GATB: variants seen among roughly 807,000 people sequenced by gnomAD.
GATB encodes glutamyl-tRNA amidotransferase subunit B, also known as glutamyl-tRNA(Gln) amidotransferase subunit B, mitochondrial.
Under a neutral mutation model 62.3 loss-of-function variants are expected in GATB, and 39 were observed. That is an observed-to-expected ratio of 0.63 (90% CI 0.48 to 0.82). The LOEUF (loss-of-function observed/expected upper bound fraction) is 0.82. Ranked by LOEUF, GATB falls within the 40% of genes least tolerant of loss-of-function variation. The pLI is 0.00. For missense variants in GATB, 670 were observed against 684.0 expected (o/e 0.98, Z 0.23); for synonymous variants, 276 against 258.9 (o/e 1.07, Z -0.63).
intron 2 of GATB, among the ~76,000 whole-genome samples, chr4:151,746,807 G>A (rs895650120): frequency 6.6e-6 from 1 of 152,196 alleles, no homozygotes; most frequent in Non-Finnish European, 1.5e-5. Context: ...CTGGGGAACA[G>A]GGAGATGGAG....
At chr4:151,673,400 C>T (rs1336714386) in intron 11 of GATB, 2 of 153,554 alleles carry the variant, frequency 1.3e-5, no homozygotes, top group Admixed American at 1.3e-4. Context: ...ACACAGCCTG[C>T]AGGAGGTAAC....
intron 2 of GATB, among the ~76,000 whole-genome samples, chr4:151,748,475 C>T (rs1337127163): frequency 1.3e-4 from 20 of 152,164 alleles, no homozygotes; most frequent in Admixed American, 1.2e-3. Context: ...AAAGCTGAAA[C>T]TGGATCCCTT....
rs1202331037 is a variant in GATB, at chr4:151,732,043, CGGGAGGGAGGTGGGGGGGT to C, written c.328-12524_328-12506del. ...CCCCCGCCCGGCCAGCCGCCCCGTC[CGGGAGGGAGGTGGGGGGGT>C]CAGCCCCCGCCCGGCCAGCCGCCCC... On this transcript the variant is annotated intron_variant, in intron 2 of 12. Transcript: ENST00000263985. 5.9e-3 allele frequency among the ~76,000 whole-genome samples: 646 copies of C among 110,148 alleles called. 4 individuals are homozygous for C. The highest frequency in any genetic ancestry group is 9.6e-3 in the African/African-American group (193 of 20,148). The allele number at this position is 110,148 out of a possible 152,430, so 72.3% of individuals were successfully genotyped here. A position where few individuals can be genotyped will look rare whatever the true frequency, so the allele number is the denominator to read the frequency against.
At chr4:151,692,143 A>T (rs552323613) in intron 9 of GATB, among the ~76,000 whole-genome samples, 1 of 152,240 alleles carries the variant, frequency 6.6e-6, no homozygotes, top group South Asian at 2.1e-4. Flanking sequence ...TCATCCCAAC[A>T]ACAACTCTCT....
intron 10 of GATB, among the ~76,000 whole-genome samples, chr4:151,681,524 A>T (rs989726310): frequency 2.6e-5 from 4 of 152,202 alleles, no homozygotes; most frequent in African/African-American, 4.8e-5. Context: ...GATGTTCTGC[A>T]ATCCTAGAAA....
At chr4:151,741,298 C>T (rs1223825895) in intron 2 of GATB, among the ~76,000 whole-genome samples, 1 of 152,130 alleles carries the variant, frequency 6.6e-6, no homozygotes, top group African/African-American at 2.4e-5. Flanking sequence ...TGAAACTACA[C>T]AAAGGGAAAC....
In GATB at chr4:151,722,212, C is replaced by T. The variant is rs910094827; in HGVS notation, c.328-2674G>A. 1.4e-5 allele frequency: 10 copies of T among 701,672 alleles called. No individual in the cohort carries two copies. In the Admixed American group the frequency reaches 1.6e-4, roughly 11 times the overall value. 43.5% of individuals were successfully genotyped at this position (701,672 alleles called of 1,614,324 possible). A position where few individuals can be genotyped will look rare whatever the true frequency, so the allele number is the denominator to read the frequency against. On this transcript the variant is annotated intron_variant, in intron 2 of 12. Transcript: ENST00000263985. ...GGGAAAATTCAACTTGGGCTGTCTTCACTCTGAAAAAAAAAATTCTTAAAT... is the reference window on the plus strand; with the variant it reads ...GGGAAAATTCAACTTGGGCTGTCTTTACTCTGAAAAAAAAAATTCTTAAAT...
In GATB at chr4:151,759,454, T is replaced by C. The variant is rs146934231; in HGVS notation, c.177-532A>G. 2.8e-3 allele frequency among the ~76,000 whole-genome samples: 431 copies of C among 152,262 alleles called. 1 individual carries two copies. The highest frequency in any genetic ancestry group is 9.0e-3 in the African/African-American group (376 of 41,554). On this transcript the variant is annotated intron_variant, in intron 1 of 12. Coordinates refer to ENST00000263985, the MANE Select transcript of GATB (RefSeq NM_004564.3). ...ACCATGTTTTGGTTTGCATGTATAA[T>C]AACCAGAGAGACACAGATACAATAA...
At chr4:151,738,239 C>T (rs370073304) in intron 2 of GATB, among the ~76,000 whole-genome samples, 1 of 152,298 alleles carries the variant, frequency 6.6e-6, no homozygotes, top group East Asian at 1.9e-4. Context: ...CATCAGCCAG[C>T]GTGACCTGGA....
chr4:151,731,684 G>A (rs1212129344), intron 2 of GATB, among the ~76,000 whole-genome samples: 3 of 151,664 alleles, frequency 2.0e-5, no homozygotes, highest in African/African-American at 7.3e-5. Context: ...GTCTCTGCCC[G>A]GCCGCCCATC....
intron 11 of GATB, among the ~76,000 whole-genome samples, chr4:151,678,227 C>T (rs1738051353): frequency 6.6e-6 from 1 of 152,184 alleles, no homozygotes; most frequent in African/African-American, 2.4e-5. Context: ...AAGTCCCCTC[C>T]TTTAAACATG....
chr4:151,684,664 G>A (rs1260955779), intron 10 of GATB, among the ~76,000 whole-genome samples: 1 of 152,240 alleles, frequency 6.6e-6, no homozygotes, highest in Non-Finnish European at 1.5e-5. Flanking sequence ...TTTGAACTGT[G>A]TAGGAAAAGA....
intron 12 of GATB, among the ~76,000 whole-genome samples, chr4:151,672,274 A>AT (rs1354724525): frequency 1.3e-5 from 2 of 152,016 alleles, no homozygotes; most frequent in Non-Finnish European, 2.9e-5. Flanking sequence ...CCTGTCAGGG[A>AT]TTTTCTCCAC....
At chr4:151,714,741 T>C (rs1738881693) in intron 5 of GATB, among the ~76,000 whole-genome samples, 1 of 152,202 alleles carries the variant, frequency 6.6e-6, no homozygotes, top group African/African-American at 2.4e-5. Flanking sequence ...AATCAACACT[T>C]GGAGCATAAA....
intron 10 of GATB, among the ~76,000 whole-genome samples, chr4:151,680,290 A>AAAC (rs1319699574): frequency 6.6e-6 from 1 of 151,878 alleles, no homozygotes; most frequent in Non-Finnish European, 1.5e-5. Context: ...AAAAAAAAAA[A>AAAC]AACCAGCTAA....
intron 10 of GATB, among the ~76,000 whole-genome samples, chr4:151,682,225 T>A (rs1407344375): frequency 6.6e-6 from 1 of 151,878 alleles, no homozygotes; most frequent in African/African-American, 2.4e-5. Flanking sequence ...ACACAGTAGG[T>A]CATCATATTT....
chr4:151,708,050 G>T lies in GATB; in HGVS notation c.815C>A (p.Pro272His). 6.2e-7 allele frequency: 1 copy of T among 1,614,174 alleles called. No individual in the cohort carries two copies. Among genetic ancestry groups the T allele is most frequent in the African/African-American group, 1.3e-5 (1 of 75,048 alleles). ...ANISVHHPGE[P>H]LGVRTEVKNL... ...CTTCACTTCCGTTCGAACGCCCAAA[G>T]GCTCCCCAGGGTGATGCACGGATAT... The change falls in exon 6 of 13, where the codon CCT becomes CAT. Residue 272 changes from proline to histidine, a missense_variant. Pro to His is a moderately conservative substitution (Grantham distance 77, BLOSUM62 -2). Transcript: ENST00000263985.
chr4:151,753,228 T>C (rs1374569518), intron 2 of GATB, among the ~76,000 whole-genome samples: 3 of 152,040 alleles, frequency 2.0e-5, no homozygotes, highest in African/African-American at 7.2e-5. Flanking sequence ...CCTATGGGGG[T>C]AGGGCAGCTG....
intron 2 of GATB, among the ~76,000 whole-genome samples, chr4:151,741,142 C>T (rs1345555707): frequency 6.6e-6 from 1 of 151,992 alleles, no homozygotes; most frequent in Non-Finnish European, 1.5e-5. Flanking sequence ...TTTTCCTATC[C>T]ATAGGTATGT....
Sources: allele counts gnomAD v4.1 joint callset (sites outside exome capture counted in the v4.1 genomes callset), GRCh38; gene constraint gnomAD v4.1.1; transcripts MANE v1.5; gene names NCBI Gene and HGNC (gene_info 2026-07-23, HGNC 2026-07-21).